LGR4: variants seen among roughly 807,000 people sequenced by gnomAD.
LGR4 encodes the protein leucine-rich repeat-containing G protein-coupled receptor 4.
Under a neutral mutation model 84.8 loss-of-function variants are expected in LGR4, and 44 were observed. The ratio of observed to expected loss-of-function variants is 0.52; its 90% confidence interval spans 0.41 to 0.67. The LOEUF (loss-of-function observed/expected upper bound fraction) is 0.67, where lower values mean the gene tolerates loss of function less well. LGR4 is among the 30% of genes least tolerant of loss of function. The pLI is 0.00. For missense variants in LGR4, 1,032 were observed against 1,131.4 expected, an observed-to-expected ratio of 0.91 and a Z score of 1.26; for synonymous variants, 429 against 434.3, an observed-to-expected ratio of 0.99 and a Z score of 0.15.
chr11:27,461,632 A>ATT lies in LGR4; in HGVS notation c.185+10484_185+10485dup, dbSNP rs35154112. On this transcript the variant is annotated intron_variant, in intron 1 of 17. Transcript: ENST00000379214. The stretch of plus-strand genomic sequence containing the variant: ...AAAACATTATGGGATTTTTCTGCAC[A>ATT]TTTTTTTTTTTTTAGCTCATCAACT... Among the ~76,000 whole-genome samples, 25 of 145,000 alleles carry ATT rather than the reference A, an allele frequency of 1.7e-4. No homozygotes were observed. In the East Asian group the frequency reaches 2.0e-3, roughly 12 times the overall value.
chr11:27,381,763 T>G (rs1339318911), intron 7 of LGR4, among the ~76,000 whole-genome samples: 1 of 152,226 alleles, frequency 6.6e-6, no homozygotes, highest in Non-Finnish European at 1.5e-5. Flanking sequence ...ATATTTTTGT[T>G]CTTTCAAGTC....
At chr11:27,403,826 C>G (rs918984292) in intron 2 of LGR4, among the ~76,000 whole-genome samples, 8 of 152,080 alleles carry the variant, frequency 5.3e-5, no homozygotes, top group Admixed American at 5.2e-4. Context: ...TTATATTAAG[C>G]ATTTTTATAA....
intron 1 of LGR4, among the ~76,000 whole-genome samples, chr11:27,445,131 G>A (rs1378393883): frequency 6.6e-6 from 1 of 152,180 alleles, no homozygotes; most frequent in African/African-American, 2.4e-5. Flanking sequence ...CCAAGGCAGA[G>A]TAAATTCCCC....
chr11:27,430,843 A>G (rs900579658), intron 1 of LGR4, among the ~76,000 whole-genome samples: 2 of 152,102 alleles, frequency 1.3e-5, no homozygotes, highest in African/African-American at 4.8e-5. Context: ...CCCTACCTGA[A>G]CTTGCTCCTG....
rs147609725 is a variant in LGR4, at chr11:27,373,562, A to G, written c.1368T>C (p.Phe456=). 4.4e-5 allele frequency: 70 copies of G among 1,575,546 alleles called. No individual in the cohort carries two copies. The highest frequency in any genetic ancestry group is 1.7e-4 in the Middle Eastern group (1 of 5,958). Residue 456 remains phenylalanine, a synonymous_variant, in exon 15 of 18, where the codon TTT becomes TTC. Coordinates refer to ENST00000379214, the MANE Select transcript of LGR4 (RefSeq NM_018490.5). The part of the protein sequence containing the change: ...KLKEALAAKD[F]VNLRSLSVPY... ...AAGCAAAAACACACCTGAGGTTAAC[A>G]AAGTCTTTTGCTGCTAAGGCTTCTT...
At position 27,472,332 on chromosome 11, in the gene LGR4, C is replaced by T. The variant is rs11541599; in HGVS notation, c.-30G>A. ...GCGGCCGCCTCCCGCGCCGGCCTCTCCCGCGGCGCTGCTCGCTCCGCTGCC... is the reference window on the plus strand; with the variant it reads ...GCGGCCGCCTCCCGCGCCGGCCTCTTCCGCGGCGCTGCTCGCTCCGCTGCC... On this transcript the variant is annotated 5_prime_UTR_variant, in exon 1 of 18. Transcript: ENST00000379214. 2.5e-6 allele frequency: 3 copies of T among 1,194,718 alleles called. No individual in the cohort carries two copies. The highest frequency in any genetic ancestry group is 4.2e-5 in the South Asian group (1 of 24,056). 74.0% of individuals were successfully genotyped at this position (1,194,718 alleles called of 1,614,324 possible).
chr11:27,446,022 A>C (rs1590399852), intron 1 of LGR4, among the ~76,000 whole-genome samples: 1 of 152,370 alleles, frequency 6.6e-6, no homozygotes, highest in Admixed American at 6.5e-5. Flanking sequence ...AAATTATTCA[A>C]CATTTAAGAG....
intron 4 of LGR4, among the ~76,000 whole-genome samples, chr11:27,389,494 G>A (rs575624189): frequency 5.3e-5 from 8 of 151,926 alleles, no homozygotes; most frequent in Non-Finnish European, 7.4e-5. Context: ...TAAATGTCTC[G>A]TACTTTAATG....
chr11:27,406,599 A>G (rs1863615001), intron 2 of LGR4, among the ~76,000 whole-genome samples: 1 of 152,142 alleles, frequency 6.6e-6, no homozygotes, highest in Admixed American at 6.6e-5. Flanking sequence ...TTTCACCCTT[A>G]ATCTCTACTC....
At chr11:27,403,206 C>T (rs369359916) in intron 2 of LGR4, among the ~76,000 whole-genome samples, 2 of 152,348 alleles carry the variant, frequency 1.3e-5, no homozygotes, top group Admixed American at 6.5e-5. Flanking sequence ...TGCGATGGCT[C>T]ATGCCTGTAG....
chr11:27,409,912 A>G (rs1863678366), intron 2 of LGR4, among the ~76,000 whole-genome samples: 1 of 152,068 alleles, frequency 6.6e-6, no homozygotes, highest in South Asian at 2.1e-4. Context: ...CTCCCTGCAC[A>G]CACGTCTTCA....
intron 4 of LGR4, among the ~76,000 whole-genome samples, chr11:27,386,375 T>C (rs1863188516): frequency 2.6e-5 from 4 of 152,240 alleles, no homozygotes. Flanking sequence ...GGACACTACG[T>C]GCCAGGCAAA....
chr11:27,464,025 T>G (rs1343822341), intron 1 of LGR4, among the ~76,000 whole-genome samples: 1 of 152,246 alleles, frequency 6.6e-6, no homozygotes, highest in East Asian at 1.9e-4. Context: ...CATGAACAGT[T>G]TCCACGAACT....
At chr11:27,445,730 T>G (rs910794650) in intron 1 of LGR4, among the ~76,000 whole-genome samples, 1 of 151,936 alleles carries the variant, frequency 6.6e-6, no homozygotes, top group Non-Finnish European at 1.5e-5. Context: ...ATTTAAAAAT[T>G]TTTCAAGCCT....
chr11:27,385,330 C>T lies in LGR4; in HGVS notation c.540G>A (p.Gln180=), dbSNP rs1007941496. ...VHPLSNLPTL[Q]ALTLALNKIS... The stretch of plus-strand genomic sequence containing the variant: ...TCTTGTTGAGAGCCAGGGTCAGCGC[C>T]TGTAGGGTGGGCAGATTGCTGAGGG... The change falls in exon 5 of 18, where the codon CAG becomes CAA. Residue 180 remains glutamine, a synonymous_variant. Transcript: ENST00000379214. The T allele has an allele frequency of 1.2e-6, 2 of 1,611,156 alleles. No homozygotes were observed. The highest frequency in any genetic ancestry group is 2.7e-5 in the African/African-American group (2 of 74,906).
intron 1 of LGR4, among the ~76,000 whole-genome samples, chr11:27,433,866 G>A (rs1313980988): frequency 6.6e-6 from 1 of 152,188 alleles, no homozygotes; most frequent in East Asian, 1.9e-4. Flanking sequence ...CATGTGACCT[G>A]AAGCAAGTCC....
At position 27,369,143 on chromosome 11, in the gene LGR4, C is replaced by A. The variant is rs1164664989; in HGVS notation, c.1580G>T (p.Gly527Val). The A allele has an allele frequency of 1.4e-5, 22 of 1,562,196 alleles. No individual in the cohort carries two copies. The highest frequency in any genetic ancestry group is 5.8e-5 in the Admixed American group (3 of 52,108). ...QIIIHCTPSTGAFKPCEYLLG... is the reference protein window; with the variant it reads ...QIIIHCTPSTVAFKPCEYLLG... ...TAAATATTCACAGGGCTTAAAAGCA[C>A]CTAAAAAAAACACACACAGAGAGAG... Residue 527 changes from glycine (G) to valine (V), a missense_variant and splice_region_variant, in exon 18 of 18, where the codon GGT becomes GTT. Gly to Val is a moderately radical substitution (Grantham distance 109). Transcript: ENST00000379214.
At chr11:27,390,014 GT>G (rs1863253851) in intron 4 of LGR4, among the ~76,000 whole-genome samples, 1 of 152,070 alleles carries the variant, frequency 6.6e-6, no homozygotes, top group South Asian at 2.1e-4. Flanking sequence ...GATATTCCTT[GT>G]TTATGGGTTA....
intron 2 of LGR4, among the ~76,000 whole-genome samples, chr11:27,398,878 T>C (rs1442768271): frequency 6.6e-6 from 1 of 152,038 alleles, no homozygotes; most frequent in African/African-American, 2.4e-5. Flanking sequence ...CCCTCAGCAA[T>C]GTTTTCTCCT....
Sources: allele counts gnomAD v4.1 joint callset (sites outside exome capture counted in the v4.1 genomes callset), GRCh38; gene constraint gnomAD v4.1.1; transcripts MANE v1.5; gene names NCBI Gene and HGNC (gene_info 2026-07-23, HGNC 2026-07-21).